FIP1L1: variants seen among roughly 807,000 people sequenced by gnomAD.
The protein encoded by FIP1L1 is factor interacting with PAPOLA and CPSF1.
FIP1L1 carries 21 observed loss-of-function variants against 84.6 expected under a neutral mutation model. That is an observed-to-expected ratio of 0.25 (90% CI 0.18 to 0.36). The LOEUF (loss-of-function observed/expected upper bound fraction) is 0.36. FIP1L1 is among the 10% of genes least tolerant of loss of function. The pLI, the probability that FIP1L1 is intolerant of heterozygous loss-of-function variation, is 1.00. For missense variants in FIP1L1, 526 were observed against 751.1 expected, an observed-to-expected ratio of 0.70 and a Z score of 3.50; for synonymous variants, 263 against 242.3, an observed-to-expected ratio of 1.09 and a Z score of -0.80.
At chr4:53,386,799 C>T (rs1328874301) in intron 5 of FIP1L1, among the ~76,000 whole-genome samples, 1 of 152,154 alleles carries the variant, frequency 6.6e-6, no homozygotes, top group East Asian at 1.9e-4. Context: ...TTGTCCAATG[C>T]ACCTTATTTT....
chr4:53,387,653 A>C (rs1741832582), intron 5 of FIP1L1, among the ~76,000 whole-genome samples: 1 of 152,248 alleles, frequency 6.6e-6, no homozygotes. Flanking sequence ...AGAATGGGGA[A>C]TAGAAAGTAG....
intron 3 of FIP1L1, 141 bp downstream of exon 3, chr4:53,379,405 A>T: frequency 2.6e-6 from 2 of 773,850 alleles, no homozygotes; most frequent in South Asian, 3.8e-5. Context: ...TGAATCCTTT[A>T]AGGATTATTC....
rs151289982 is a variant in FIP1L1 at position 53,411,139 on chromosome 4, G to T, written c.816-3476G>T. On this transcript the variant is annotated intron_variant, in intron 10 of 17. Coordinates refer to ENST00000337488, the MANE Select transcript of FIP1L1 (RefSeq NM_030917.4). ...ATTTAACAGAGGTTGATGTATCAGG[G>T]AATTATAAAAAAGGGATGAAGGGGA... Among the ~76,000 whole-genome samples the T allele has an allele frequency of 3.0e-4, 46 of 152,254 alleles. 1 individual carries two copies. In the East Asian group the frequency reaches 6.6e-3, roughly 22 times the overall value.
At chr4:53,383,646 AGT>A in intron 4 of FIP1L1, 125 bp from the exon 5 acceptor site, 3 of 892,736 alleles carry the variant, frequency 3.4e-6, no homozygotes, top group Admixed American at 6.1e-5. Context: ...GGGGCGACAA[AGT>A]GAGAGTCTGT....
chr4:53,407,609 G>A (rs1037221322), intron 10 of FIP1L1, among the ~76,000 whole-genome samples: 2 of 145,794 alleles, frequency 1.4e-5, no homozygotes, highest in Non-Finnish European at 2.9e-5. Context: ...TGACAGTGGG[G>A]TGTTAAGTCT....
rs1416905861 is a variant in FIP1L1, at chr4:53,390,631, A to G, written c.505+3A>G. The G allele has an allele frequency of 3.2e-6, 5 of 1,575,174 alleles. No individual in the cohort carries two copies. The highest frequency in any genetic ancestry group is 3.4e-5 in the Admixed American group (2 of 58,488). On this transcript the variant is annotated splice_donor_region_variant and intron_variant, in intron 7 of 17. Coordinates refer to ENST00000337488, the MANE Select transcript of FIP1L1 (RefSeq NM_030917.4). Reference sequence around the variant, plus strand: ...AGATAAACCATGGCGTAAACCTGGTAAGATTATTGTGGATTATATTAATTT... The same window carrying G: ...AGATAAACCATGGCGTAAACCTGGTGAGATTATTGTGGATTATATTAATTT...
At chr4:53,442,477 A>G (rs1772364502) in intron 13 of FIP1L1, 176 bp from the exon 14 acceptor site, 2 of 562,166 alleles carry the variant, frequency 3.6e-6, no homozygotes, top group East Asian at 5.9e-5. Context: ...TTAAAGTTTT[A>G]TTGCGCTAAA....
chr4:53,395,841 A>G (rs186863218), intron 9 of FIP1L1, among the ~76,000 whole-genome samples: 7 of 152,164 alleles, frequency 4.6e-5, no homozygotes, highest in Admixed American at 2.0e-4. Context: ...AACAAATCCT[A>G]TTAGAATAAT....
At chr4:53,431,396 C>T (rs151334866) in intron 13 of FIP1L1, among the ~76,000 whole-genome samples, 2 of 152,210 alleles carry the variant, frequency 1.3e-5, no homozygotes, top group East Asian at 1.9e-4. Flanking sequence ...AAAGATATTC[C>T]ATTTTTCTTA....
chr4:53,391,490 C>G lies in FIP1L1; in HGVS notation c.697C>G (p.Leu233Val). The G allele has an allele frequency of 6.2e-7, 1 of 1,611,656 alleles. No homozygotes were observed. The highest frequency in any genetic ancestry group is 1.7e-4 in the Middle Eastern group (1 of 6,054). ...AGAGATCCAAGATGGCAGATTCAAT[C>G]TTTTTAAGGTGAATTTTAGTAAATT... Reference protein sequence around the residue: ...GAEIQDGRFNLFKVQQGRTGN... With the variant: ...GAEIQDGRFNVFKVQQGRTGN... The change falls in exon 9 of 18, where the codon CTT becomes GTT. Residue 233 changes from leucine to valine, a missense_variant. Leu to Val is a conservative substitution (Grantham distance 32). Transcript: ENST00000337488.
chr4:53,431,279 G>A (rs1766527482), intron 13 of FIP1L1, among the ~76,000 whole-genome samples: 1 of 152,126 alleles, frequency 6.6e-6, no homozygotes, highest in African/African-American at 2.4e-5. Flanking sequence ...AGAACCACAT[G>A]ATTACACTAT....
At chr4:53,382,508 A>G (rs541291324) in intron 4 of FIP1L1, among the ~76,000 whole-genome samples, 173 bp downstream of exon 4, 1 of 152,342 alleles carries the variant, frequency 6.6e-6, no homozygotes, top group Non-Finnish European at 1.5e-5. Flanking sequence ...TAGGAATTAA[A>G]ATGAGGAAAA....
At chr4:53,441,613 A>G (rs1771973215) in intron 13 of FIP1L1, among the ~76,000 whole-genome samples, 1 of 152,014 alleles carries the variant, frequency 6.6e-6, no homozygotes, top group African/African-American at 2.4e-5. Flanking sequence ...CATGGTAAAC[A>G]TGAAAACAAT....
At chr4:53,417,989 G>A (rs562398607) in intron 11 of FIP1L1, among the ~76,000 whole-genome samples, 2 of 152,174 alleles carry the variant, frequency 1.3e-5, no homozygotes, top group South Asian at 2.1e-4. Context: ...GATGTTTTTC[G>A]TAAGTTATTA....
intron 10 of FIP1L1, among the ~76,000 whole-genome samples, chr4:53,404,269 T>G (rs970800047): frequency 1.3e-5 from 2 of 150,014 alleles, no homozygotes; most frequent in African/African-American, 4.9e-5. Flanking sequence ...TGTTTGGTTT[T>G]TTGTTCTTGT....
chr4:53,389,847 CA>C lies in FIP1L1; in HGVS notation c.372del (p.Gly126GlufsTer14). ...GTAPVNLNIKTGGRVYGTTGT... is the reference protein window; with the variant it reads ...GTAPVNLNIKXGGRVYGTTGT... ...GCACCTGTAAATCTTAACATCAAGA[CA>C]GGGGGAAGAGTTTATGGAACTACAG... On this transcript the variant is annotated frameshift_variant, in exon 6 of 18. Coordinates refer to ENST00000337488, the MANE Select transcript of FIP1L1 (RefSeq NM_030917.4). LOFTEE classifies it high-confidence loss of function. The C allele has an allele frequency of 6.2e-7, 1 of 1,600,660 alleles. No homozygotes were observed. Among genetic ancestry groups the C allele is most frequent in the Non-Finnish European group, 8.5e-7 (1 of 1,175,514 alleles).
intron 11 of FIP1L1, among the ~76,000 whole-genome samples, chr4:53,424,755 G>C (rs1282636491): frequency 6.6e-6 from 1 of 152,048 alleles, no homozygotes; most frequent in Non-Finnish European, 1.5e-5. Context: ...CAAAGGTCTT[G>C]CTGGAAGGAA....
At chr4:53,428,708 T>C (rs1765321169) in intron 13 of FIP1L1, among the ~76,000 whole-genome samples, 1 of 152,224 alleles carries the variant, frequency 6.6e-6, no homozygotes, top group Non-Finnish European at 1.5e-5. Context: ...TTGATTACAA[T>C]TAAAAACCAG....
chr4:53,388,990 C>T (rs909576074), intron 5 of FIP1L1, among the ~76,000 whole-genome samples: 32 of 152,152 alleles, frequency 2.1e-4, no homozygotes, highest in African/African-American at 7.7e-4. Context: ...TATATTACAT[C>T]TAAAAAGGTG....
Sources: gnomAD v4.1 joint callset for allele counts (sites outside exome capture counted in the v4.1 genomes callset) on GRCh38, gnomAD v4.1.1 for gene constraint, MANE v1.5 for transcripts, NCBI Gene and HGNC (gene_info 2026-07-23, HGNC 2026-07-21) for gene names.